NDUFAF2: variants seen among roughly 807,000 people sequenced by gnomAD.
The protein encoded by NDUFAF2 is NADH:ubiquinone oxidoreductase complex assembly factor 2.
In NDUFAF2, 13 loss-of-function variants were observed where a neutral mutation model predicts 22.8. The observed-to-expected ratio is 0.57, with a 90% CI of 0.37 to 0.91. The LOEUF (loss-of-function observed/expected upper bound fraction) is 0.91. Ranked by LOEUF, NDUFAF2 falls within the 40% of genes least tolerant of loss-of-function variation. The pLI, the probability that NDUFAF2 is intolerant of heterozygous loss-of-function variation, is 0.01. For synonymous variants in NDUFAF2, 53 were observed against 64.2 expected (o/e 0.83, Z 0.84); for missense variants, 162 against 195.2 (o/e 0.83, Z 1.01).
intron 1 of NDUFAF2, among the ~76,000 whole-genome samples, chr5:61,028,468 T>G (rs1407817494): frequency 6.6e-6 from 1 of 152,172 alleles, no homozygotes; most frequent in Admixed American, 6.6e-5. Flanking sequence ...ATTTACCTTC[T>G]TCAACACTTG....
chr5:60,989,403 G>A (rs1252209520), intron 1 of NDUFAF2, among the ~76,000 whole-genome samples: 1 of 151,894 alleles, frequency 6.6e-6, no homozygotes, highest in African/African-American at 2.4e-5. Flanking sequence ...CACATTATTG[G>A]GTATATACAC....
At chr5:61,005,127 C>G (rs1347003710) in intron 1 of NDUFAF2, among the ~76,000 whole-genome samples, 1 of 151,998 alleles carries the variant, frequency 6.6e-6, no homozygotes, top group Non-Finnish European at 1.5e-5. Flanking sequence ...GCGATGTTCC[C>G]CACCCTGTGT....
chr5:61,091,955 C>A (rs955280150), intron 2 of NDUFAF2, among the ~76,000 whole-genome samples: 29 of 152,142 alleles, frequency 1.9e-4, no homozygotes, highest in African/African-American at 6.5e-4. Context: ...ATAAGAAATT[C>A]TTTCCCCATT....
At chr5:61,044,842 T>G (rs1219596881) in intron 1 of NDUFAF2, among the ~76,000 whole-genome samples, 1 of 152,026 alleles carries the variant, frequency 6.6e-6, no homozygotes, top group Non-Finnish European at 1.5e-5. Flanking sequence ...TTTAAGATTG[T>G]TTTTTCTATC....
chr5:61,000,729 C>T (rs290505), intron 1 of NDUFAF2, among the ~76,000 whole-genome samples: 22,488 of 152,060 alleles, frequency 0.15, 2,102 homozygotes, highest in South Asian at 0.27. Flanking sequence ...GTCTATCAGC[C>T]ACTTTTGTTA....
At chr5:61,003,504 G>A (rs904820261) in intron 1 of NDUFAF2, among the ~76,000 whole-genome samples, 1 of 151,842 alleles carries the variant, frequency 6.6e-6, no homozygotes, top group Non-Finnish European at 1.5e-5. Context: ...TATCCTTGGG[G>A]CATCATGATT....
chr5:61,108,756 A>G (rs1335598581), intron 3 of NDUFAF2, among the ~76,000 whole-genome samples: 1 of 152,114 alleles, frequency 6.6e-6, no homozygotes, highest in Non-Finnish European at 1.5e-5. Flanking sequence ...CTTTGTTGAA[A>G]TTGAGTTCAC....
chr5:61,007,872 A>G (rs1258956166), intron 1 of NDUFAF2, among the ~76,000 whole-genome samples: 2 of 152,160 alleles, frequency 1.3e-5, no homozygotes, highest in Non-Finnish European at 2.9e-5. Flanking sequence ...TTGCGGCACT[A>G]TTCACAATAG....
chr5:61,040,286 A>ACACACGCGCGCGCG (rs1491193758), intron 1 of NDUFAF2, among the ~76,000 whole-genome samples: 100 of 93,072 alleles, frequency 1.1e-3, no homozygotes, highest in Middle Eastern at 5.4e-3. Flanking sequence ...ACACACACAC[A>ACACACGCGCGCGCG]CGCGCGCGCG....
chr5:61,096,718 C>T (rs1752646230), intron 2 of NDUFAF2, among the ~76,000 whole-genome samples: 1 of 151,698 alleles, frequency 6.6e-6, no homozygotes. Context: ...AATTCCAGCA[C>T]TTTGGGAGGC....
intron 2 of NDUFAF2, among the ~76,000 whole-genome samples, chr5:61,076,886 G>T (rs753245015): frequency 1.2e-4 from 19 of 152,144 alleles, no homozygotes; most frequent in Non-Finnish European, 2.5e-4. Context: ...GTAAAAGTAG[G>T]ACCAACAGGA....
intron 3 of NDUFAF2, among the ~76,000 whole-genome samples, chr5:61,151,497 G>A (rs1291269450): frequency 1.6e-4 from 25 of 152,178 alleles, no homozygotes; most frequent in Admixed American, 1.6e-3. Flanking sequence ...AGAAGGAATG[G>A]ACCAGGCGTG....
intron 3 of NDUFAF2, among the ~76,000 whole-genome samples, chr5:61,126,576 A>G (rs1753037961): frequency 6.6e-6 from 1 of 152,120 alleles, no homozygotes; most frequent in Admixed American, 6.6e-5. Context: ...TGTTGTTATC[A>G]GTAAATTTAC....
chr5:60,990,654 A>G (rs1020164553), intron 1 of NDUFAF2, among the ~76,000 whole-genome samples: 24 of 152,184 alleles, frequency 1.6e-4, no homozygotes, highest in African/African-American at 5.5e-4. Flanking sequence ...GTAGTTTTCT[A>G]TATAGCAAAT....
intron 3 of NDUFAF2, among the ~76,000 whole-genome samples, chr5:61,124,973 A>T (rs1753017967): frequency 6.6e-6 from 1 of 152,012 alleles, no homozygotes; most frequent in Non-Finnish European, 1.5e-5. Context: ...CAGGAGAGAG[A>T]GCAAGGAGGG....
chr5:61,137,672 T>C (rs539044314), intron 3 of NDUFAF2, among the ~76,000 whole-genome samples: 1 of 152,258 alleles, frequency 6.6e-6, no homozygotes, highest in South Asian at 2.1e-4. Flanking sequence ...GAGGTTGAAG[T>C]ATAATAACCA....
chr5:61,038,088 A>AGAGAGAGAG (rs1561547893), intron 1 of NDUFAF2, among the ~76,000 whole-genome samples: 3 of 77,782 alleles, frequency 3.9e-5, no homozygotes, highest in African/African-American at 1.1e-4. Context: ...GAGGCGGGGG[A>AGAGAGAGAG]AGAGAGAGAG....
At chr5:61,043,295 G>A (rs745449911) in intron 1 of NDUFAF2, among the ~76,000 whole-genome samples, 17 of 152,146 alleles carry the variant, frequency 1.1e-4, no homozygotes, top group Non-Finnish European at 1.6e-4. Flanking sequence ...TATTTCGAGT[G>A]CAGTGAAAAT....
intron 1 of NDUFAF2, among the ~76,000 whole-genome samples, chr5:61,024,893 A>C (rs921420002): frequency 6.6e-6 from 1 of 152,100 alleles, no homozygotes; most frequent in African/African-American, 2.4e-5. Context: ...AATTGCTAAC[A>C]GTTTTCCAAA....
Sources: allele counts gnomAD v4.1 joint callset (sites outside exome capture counted in the v4.1 genomes callset), GRCh38; gene constraint gnomAD v4.1.1; transcripts MANE v1.5; gene names NCBI Gene and HGNC (gene_info 2026-07-23, HGNC 2026-07-21).